The following RFX4 variants were observed in gnomAD, a reference collection of about 807,000 sequenced individuals.
RFX4 encodes transcription factor RFX4.
In RFX4, 10 loss-of-function variants were observed where a neutral mutation model predicts 95.0. The ratio of observed to expected loss-of-function variants is 0.11; its 90% CI spans 0.06 to 0.18. The LOEUF is 0.18. Among genes scored for constraint, RFX4 ranks in the 10% least tolerant of loss-of-function variants. The probability of loss-of-function intolerance (pLI) is 1.00; values close to 1 mark genes in which losing one functional copy is unlikely to be tolerated. For synonymous variants in RFX4, 321 were observed against 340.7 expected (o/e 0.94, Z 0.64); for missense variants, 640 against 922.0 (o/e 0.69, Z 3.96).
intron 17 of RFX4, among the ~76,000 whole-genome samples, chr12:106,752,508 T>C (rs988801985): frequency 6.6e-6 from 1 of 152,160 alleles, no homozygotes; most frequent in East Asian, 1.9e-4. Flanking sequence ...ATTGGCTGCA[T>C]GTCTGCTGCC....
At chr12:106,585,534 C>T (rs1372950851) in intron 1 of RFX4, among the ~76,000 whole-genome samples, 3 of 152,194 alleles carry the variant, frequency 2.0e-5, no homozygotes, top group African/African-American at 4.8e-5. Context: ...AAGTGCGGCT[C>T]GGCGTGGTCC....
intron 8 of RFX4, among the ~76,000 whole-genome samples, chr12:106,704,065 CA>C (rs34213070): frequency 0.18 from 7,445 of 40,754 alleles, 334 homozygotes; most frequent in East Asian, 0.37. Flanking sequence ...GACACTGTCT[CA>C]AAAAAAAAAA....
At position 106,735,492 on chromosome 12, in the gene RFX4, A is replaced by T. The variant is rs115745307; in HGVS notation, c.1633+2407A>T. Among the ~76,000 whole-genome samples the T allele has an allele frequency of 7.9e-3, 1,203 of 152,316 alleles. 14 individuals carry two copies. The highest frequency in any genetic ancestry group is 0.027 in the African/African-American group (1,121 of 41,584). ...AAGCCCAATGAAGAAAATCAAAGATAAAAGAAATCTTACTAGTTTCCCCAA... is the reference window on the plus strand; with the variant it reads ...AAGCCCAATGAAGAAAATCAAAGATTAAAGAAATCTTACTAGTTTCCCCAA... On this transcript the variant is annotated intron_variant, in intron 15 of 17. Transcript: ENST00000392842.
At chr12:106,681,755 C>T (rs149385644) in intron 4 of RFX4, among the ~76,000 whole-genome samples, 17 of 152,198 alleles carry the variant, frequency 1.1e-4, no homozygotes, top group South Asian at 2.1e-4. Context: ...GTGAGTAGGA[C>T]GGGGTGAAGC....
At chr12:106,686,767 G>T (rs2041660267) in intron 5 of RFX4, 117 bp from the exon 6 acceptor site, 1 of 896,440 alleles carries the variant, frequency 1.1e-6, no homozygotes, top group East Asian at 2.4e-5. Flanking sequence ...GATGGCCCCA[G>T]CTTTCCTTGG....
At chr12:106,714,068 C>CAAAAAAAAAAAAAA (rs58283896) in intron 10 of RFX4, among the ~76,000 whole-genome samples, 482 of 30,506 alleles carry the variant, frequency 0.016, 71 homozygotes, top group African/African-American at 0.019. Context: ...AACTCCATCT[C>CAAAAAAAAAAAAAA]AAAAAAAAAA....
intron 15 of RFX4, 193 bp downstream of exon 15, chr12:106,733,278 C>A: frequency 5.2e-6 from 3 of 573,516 alleles, no homozygotes; most frequent in Non-Finnish European, 9.3e-6. Context: ...ACGATCGCAC[C>A]ACTGCATTCT....
chr12:106,709,474 T>C (rs1485564326), intron 9 of RFX4, 44 bp downstream of exon 9: 1 of 1,454,762 alleles, frequency 6.9e-7, no homozygotes, highest in South Asian at 1.2e-5. Flanking sequence ...GAATTACATT[T>C]TAGTGCCAAA....
At chr12:106,606,603 G>A (rs1321447231) in intron 1 of RFX4, among the ~76,000 whole-genome samples, 1 of 152,142 alleles carries the variant, frequency 6.6e-6, no homozygotes, top group Admixed American at 6.5e-5. Flanking sequence ...TCCACATTGT[G>A]CATTCGATGT....
intron 15 of RFX4, among the ~76,000 whole-genome samples, chr12:106,737,162 GTTTTTTTTTTTTTTTTTTTTT>G (rs556116618): frequency 1.2e-3 from 64 of 54,924 alleles, no homozygotes; most frequent in South Asian, 2.1e-3. Context: ...CGGAACTAAA[GTTTTTTTTTTTTTTTTTTTTT>G]TTTTTTTTTT....
intron 15 of RFX4, among the ~76,000 whole-genome samples, chr12:106,734,027 C>T (rs1448420668): frequency 6.6e-6 from 1 of 152,162 alleles, no homozygotes; most frequent in East Asian, 1.9e-4. Flanking sequence ...TGCTACAACT[C>T]TGATGAACCT....
At chr12:106,671,961 C>T (rs972617472) in intron 4 of RFX4, among the ~76,000 whole-genome samples, 1 of 152,128 alleles carries the variant, frequency 6.6e-6, no homozygotes, top group Non-Finnish European at 1.5e-5. Flanking sequence ...CACACCCGGC[C>T]TCCAGTGTTG....
intron 13 of RFX4, among the ~76,000 whole-genome samples, chr12:106,730,215 G>A (rs978614070): frequency 2.0e-5 from 3 of 152,072 alleles, no homozygotes; most frequent in African/African-American, 7.2e-5. Flanking sequence ...GAAGGGTGTG[G>A]GTGTATACAG....
intron 13 of RFX4, among the ~76,000 whole-genome samples, chr12:106,727,621 A>C (rs2042526988): frequency 6.8e-6 from 1 of 147,854 alleles, no homozygotes; most frequent in Admixed American, 6.7e-5. Context: ...TACTGAATTT[A>C]GTTTGTTTTT....
intron 15 of RFX4, among the ~76,000 whole-genome samples, chr12:106,737,162 GTTTTTTTT>G (rs556116618): frequency 6.2e-4 from 34 of 54,908 alleles, no homozygotes; most frequent in African/African-American, 1.9e-3. Flanking sequence ...CGGAACTAAA[GTTTTTTTT>G]TTTTTTTTTT....
chr12:106,677,722 A>C (rs2041421731), intron 4 of RFX4, among the ~76,000 whole-genome samples: 1 of 152,120 alleles, frequency 6.6e-6, no homozygotes, highest in Non-Finnish European at 1.5e-5. Flanking sequence ...AATCAAAAAA[A>C]CAAATTCCAC....
chr12:106,640,492 C>A (rs974032163), intron 3 of RFX4, among the ~76,000 whole-genome samples: 3 of 152,240 alleles, frequency 2.0e-5, no homozygotes, highest in Admixed American at 6.5e-5. Context: ...AGAGCCTCAG[C>A]AGTCAGCTTG....
intron 4 of RFX4, among the ~76,000 whole-genome samples, chr12:106,665,882 T>C (rs892093115): frequency 4.6e-5 from 7 of 151,986 alleles, no homozygotes; most frequent in African/African-American, 1.4e-4. Context: ...TTTGTTGCCA[T>C]TATTATTTTG....
chr12:106,693,843 T>C (rs1202100082), intron 7 of RFX4, among the ~76,000 whole-genome samples: 4 of 152,196 alleles, frequency 2.6e-5, no homozygotes, highest in African/African-American at 7.2e-5. Context: ...TTGAGCCCAG[T>C]AGTGGTAGTG....
Sources: allele counts gnomAD v4.1 joint callset (sites outside exome capture counted in the v4.1 genomes callset), GRCh38; gene constraint gnomAD v4.1.1; transcripts MANE v1.5; gene names NCBI Gene and HGNC (gene_info 2026-07-23, HGNC 2026-07-21).